Variants in RNASET2 observed in about 807,000 individuals in gnomAD.
The protein encoded by RNASET2 is ribonuclease T2, also known as ribonuclease 6.
In RNASET2, 28 loss-of-function variants were observed where a neutral mutation model predicts 33.9. That is an observed-to-expected ratio of 0.83 (90% CI 0.61 to 1.13). RNASET2 has a LOEUF of 1.13. Among genes scored for constraint, RNASET2 ranks in the 50% most tolerant of loss-of-function variants. The pLI is 0.00. For missense variants in RNASET2, 330 were observed against 319.9 expected, an observed-to-expected ratio of 1.03 and a Z score of -0.24; for synonymous variants, 123 against 121.0, an observed-to-expected ratio of 1.02 and a Z score of -0.11.
chr6:166,923,228 CTTTTT>C lies in RNASET2; in HGVS notation c.*6355_*6359del, dbSNP rs576639665. The stretch of plus-strand genomic sequence containing the variant: ...ACAGGCGTGAGCCACCAGGCCCGGC[CTTTTT>C]TTTTTTTTTTTTTTTTGAGACAGAG... On this transcript the variant is annotated 3_prime_UTR_variant, in exon 9 of 9. Coordinates refer to ENST00000508775, the MANE Select transcript of RNASET2 (RefSeq NM_003730.6). Among the ~76,000 whole-genome samples the C allele has an allele frequency of 3.9e-5, 4 of 102,660 alleles. No individual in the cohort carries two copies. The highest frequency in any genetic ancestry group is 3.1e-4 in the South Asian group (1 of 3,222). 67.3% of individuals were successfully genotyped at this position (102,660 alleles called of 152,430 possible).
At chr6:166,951,990 C>T (rs558340863) in intron 2 of RNASET2, among the ~76,000 whole-genome samples, 1 of 152,248 alleles carries the variant, frequency 6.6e-6, no homozygotes, top group South Asian at 2.1e-4. Context: ...CAGATGTCAT[C>T]AAGAAAAGGT....
chr6:166,931,136 T>C lies in RNASET2; in HGVS notation c.493-18A>G, dbSNP rs1778428579. 1 of 1,536,228 alleles carries C rather than the reference T, an allele frequency of 6.5e-7. No individual in the cohort carries two copies. Among genetic ancestry groups the C allele is most frequent in the South Asian group, 1.1e-5 (1 of 89,552 alleles). ...TCTGCAACCTGATTTTAAATACAAG[T>C]GTATTAGAAATTAAACTTCAACAGA... On this transcript the variant is annotated intron_variant, in intron 7 of 8. Transcript: ENST00000508775.
intron 1 of RNASET2, among the ~76,000 whole-genome samples, chr6:166,954,698 AT>A (rs1779063147): frequency 6.6e-6 from 1 of 152,244 alleles, no homozygotes; most frequent in South Asian, 2.1e-4. Context: ...ATGATTAAAA[AT>A]ATATACCTAA....
rs539951465 is a variant in RNASET2, at chr6:166,924,611, C to T, written c.*4977G>A. Among the ~76,000 whole-genome samples the T allele has an allele frequency of 7.9e-5, 12 of 152,254 alleles. 1 individual carries two copies. Among genetic ancestry groups the T allele is most frequent in the Admixed American group, 2.0e-4 (3 of 15,292 alleles). ...AGGTTCCGAGGAAGCCTTCCCTGGC[C>T]GCCTTCATAACTCTGACCTCCTCCC... On this transcript the variant is annotated 3_prime_UTR_variant, in exon 9 of 9. Transcript: ENST00000508775.
At chr6:166,950,640 C>T (rs1030700111) in intron 2 of RNASET2, among the ~76,000 whole-genome samples, 1 of 152,200 alleles carries the variant, frequency 6.6e-6, no homozygotes, top group Non-Finnish European at 1.5e-5. Context: ...GAGCAGGGTA[C>T]GCCCTGAGGT....
Position 166,955,366 on chromosome 6 carries a change from CACACAA to C in RNASET2, c.86+725_86+730del, listed in dbSNP as rs1389700664. 4.4e-5 allele frequency: 10 copies of C among 228,866 alleles called. 1 individual carries two copies. The East Asian group carries it at 2.9e-3, about 65-fold the overall frequency. 14.2% of individuals were successfully genotyped at this position (228,866 alleles called of 1,614,324 possible). Reference sequence around the variant, plus strand: ...GCACACGCACGCACACACACACGCACACACAAACGCACACGCACACACACACACGCG... The same window carrying C: ...GCACACGCACGCACACACACACGCACACGCACACGCACACACACACACGCG... On this transcript the variant is annotated intron_variant, in intron 1 of 8. Coordinates refer to ENST00000508775, the MANE Select transcript of RNASET2 (RefSeq NM_003730.6).
Position 166,924,010 on chromosome 6 carries a change from G to A in RNASET2, c.*5578C>T, listed in dbSNP as rs2128642559. 6.6e-6 allele frequency among the ~76,000 whole-genome samples: 1 copy of A among 152,318 alleles called. No individual in the cohort carries two copies. The highest frequency in any genetic ancestry group is 2.4e-5 in the African/African-American group (1 of 41,568). On this transcript the variant is annotated 3_prime_UTR_variant, in exon 9 of 9. Transcript: ENST00000508775. ...GATCCAAAGTTCGCAGAAACAAAAA[G>A]TGAAAACAGGCGATCTGCATGTTTC...
In RNASET2 at chr6:166,952,484, T is replaced by G; in HGVS notation, c.147+4A>C. The G allele has an allele frequency of 2.5e-6, 4 of 1,613,654 alleles. No individual in the cohort carries two copies. The highest frequency in any genetic ancestry group is 3.4e-6 in the Non-Finnish European group (4 of 1,179,502). On this transcript the variant is annotated splice_donor_region_variant and intron_variant, in intron 2 of 8. Coordinates refer to ENST00000508775, the MANE Select transcript of RNASET2 (RefSeq NM_003730.6). ...CCAGGGCCCGTCAAGGCAGAAACAC[T>G]CACCTCGCATACTGTCTCAGGCCAG...
chr6:166,923,307 T>A lies in RNASET2; in HGVS notation c.*6281A>T, dbSNP rs1324710560. On this transcript the variant is annotated 3_prime_UTR_variant, in exon 9 of 9. Transcript: ENST00000508775. ...AGTACAGTCTCGGCTCACTGCAGCC[T>A]CCACCTCCTGGGTTCAAGCCATCCT... Among the ~76,000 whole-genome samples the A allele has an allele frequency of 7.0e-6, 1 of 143,418 alleles. No individual in the cohort carries two copies. The highest frequency in any genetic ancestry group is 2.2e-4 in the East Asian group (1 of 4,584). The allele number at this position is 143,418 out of a possible 152,430, so 94.1% of individuals were successfully genotyped here.
rs1464620343 is a variant in RNASET2, at chr6:166,930,813, C to T, written c.567+231G>A. On this transcript the variant is annotated intron_variant, in intron 8 of 8. Coordinates refer to ENST00000508775, the MANE Select transcript of RNASET2 (RefSeq NM_003730.6). ...ACATGCCCACATGCATGTACACACA[C>T]ATGCACACATAGCACATGCCCACAT... Among the ~76,000 whole-genome samples the T allele has an allele frequency of 6.7e-6, 1 of 148,822 alleles. No homozygotes were observed. Among genetic ancestry groups the T allele is most frequent in the Non-Finnish European group, 1.5e-5 (1 of 67,098 alleles).
intron 1 of RNASET2, chr6:166,953,339 G>C (rs1035328121): frequency 6.6e-6 from 1 of 152,218 alleles, no homozygotes; most frequent in African/African-American, 2.4e-5. Flanking sequence ...AAGACTTAAC[G>C]AGACTGAAGT....
rs182515066 is a variant in RNASET2 at position 166,956,503 on chromosome 6, C to A, written c.-321G>T. 0.014 allele frequency: 5,993 copies of A among 420,734 alleles called. 203 individuals are homozygous for A. The highest frequency in any genetic ancestry group is 0.089 in the East Asian group (1,729 of 19,384). 26.1% of individuals were successfully genotyped at this position (420,734 alleles called of 1,614,324 possible). A position where few individuals can be genotyped will look rare whatever the true frequency, so the allele number is the denominator to read the frequency against. On this transcript the variant is annotated 5_prime_UTR_variant, in exon 1 of 9. Transcript: ENST00000508775. ...CGACCCACAGCGACCCCAGCTCCTC[C>A]ACGCTGCAGCCGCCGTCCGCCCACG...
intron 3 of RNASET2, among the ~76,000 whole-genome samples, chr6:166,947,956 G>A (rs1778887926): frequency 6.6e-6 from 1 of 152,178 alleles, no homozygotes. Flanking sequence ...GTATTTTCAT[G>A]TAGTTATTTA....
In RNASET2 at chr6:166,923,660, G is replaced by A. The variant is rs551851858; in HGVS notation, c.*5928C>T. Among the ~76,000 whole-genome samples, 3 of 152,066 alleles carry A rather than the reference G, an allele frequency of 2.0e-5. No individual in the cohort carries two copies. Among genetic ancestry groups the A allele is most frequent in the East Asian group, 3.9e-4 (2 of 5,186 alleles). On this transcript the variant is annotated 3_prime_UTR_variant, in exon 9 of 9. Coordinates refer to ENST00000508775, the MANE Select transcript of RNASET2 (RefSeq NM_003730.6). ...ATCAGAAAAAAAATGACATAAAACT[G>A]CATTTCTCATCATCTGTCAGAGATT...
chr6:166,929,808 A>G lies in RNASET2; in HGVS notation c.568-17T>C, dbSNP rs192559541. On this transcript the variant is annotated splice_polypyrimidine_tract_variant and intron_variant, in intron 8 of 8. Transcript: ENST00000508775. ...TTCCTCATCCTAAAAGTAAACAATGAAAGACGCTTTAGAATTCAGATCTTG... is the reference window on the plus strand; with the variant it reads ...TTCCTCATCCTAAAAGTAAACAATGGAAGACGCTTTAGAATTCAGATCTTG... The G allele has an allele frequency of 1.2e-4, 198 of 1,605,484 alleles. No individual in the cohort carries two copies. The Admixed American group carries it at 2.7e-3, about 22-fold the overall frequency.
At chr6:166,945,830 CAA>C (rs770959298) in intron 4 of RNASET2, among the ~76,000 whole-genome samples, 13 of 72,424 alleles carry the variant, frequency 1.8e-4, no homozygotes, top group South Asian at 5.0e-4. Context: ...AACTCTGTCT[CAA>C]AAAAAAAAAA....
Position 166,925,534 on chromosome 6 carries a change from C to T in RNASET2, c.*4054G>A, listed in dbSNP as rs954935848. On this transcript the variant is annotated 3_prime_UTR_variant, in exon 9 of 9. Transcript: ENST00000508775. Reference sequence around the variant, plus strand: ...TCCCCGGTCCAGCCCTTGCCTCCCCCGTCCAGCCCTCACCTCCATCATGCA... The same window carrying T: ...TCCCCGGTCCAGCCCTTGCCTCCCCTGTCCAGCCCTCACCTCCATCATGCA... Among the ~76,000 whole-genome samples the T allele has an allele frequency of 6.6e-6, 1 of 151,780 alleles. No homozygotes were observed. The highest frequency in any genetic ancestry group is 1.5e-5 in the Non-Finnish European group (1 of 67,914).
At chr6:166,945,868 A>T (rs1003820850) in intron 4 of RNASET2, among the ~76,000 whole-genome samples, 5 of 148,314 alleles carry the variant, frequency 3.4e-5, no homozygotes, top group African/African-American at 1.3e-4. Context: ...GAAAAAAAGA[A>T]CTTGTGATGG....
At chr6:166,943,345 C>T (rs1778739801) in intron 4 of RNASET2, 1 of 392,456 alleles carries the variant, frequency 2.5e-6, no homozygotes. Flanking sequence ...TACATCCAAA[C>T]AATGGAATAT....
Sources: gnomAD v4.1 joint callset for allele counts (sites outside exome capture counted in the v4.1 genomes callset) on GRCh38, gnomAD v4.1.1 for gene constraint, MANE v1.5 for transcripts, NCBI Gene and HGNC (gene_info 2026-07-23, HGNC 2026-07-21) for gene names.